Variants in HAS2 observed in about 807,000 individuals in gnomAD.
The protein encoded by HAS2 is hyaluronan synthase 2, also known as HA synthase 2.
In HAS2, 16 loss-of-function variants were observed where a neutral mutation model predicts 51.6. The ratio of observed to expected loss-of-function variants is 0.31; its 90% confidence interval spans 0.21 to 0.47. HAS2 has a LOEUF of 0.47. Ranked by LOEUF, HAS2 falls within the 20% of genes least tolerant of loss-of-function variation. HAS2 has a pLI of 1.00. For synonymous variants in HAS2, 228 were observed against 235.5 expected, an observed-to-expected ratio of 0.97 and a Z score of 0.29; for missense variants, 361 against 662.6, an observed-to-expected ratio of 0.54 and a Z score of 5.00.
chr8:121,636,799 C>A (rs2130453585), intron 1 of HAS2, among the ~76,000 whole-genome samples: 1 of 152,292 alleles, frequency 6.6e-6, no homozygotes, highest in Middle Eastern at 3.4e-3. Flanking sequence ...CCAAATGTAG[C>A]ACAAACGCCA....
At chr8:121,636,920 A>G (rs1813016883) in intron 1 of HAS2, among the ~76,000 whole-genome samples, 1 of 152,200 alleles carries the variant, frequency 6.6e-6, no homozygotes, top group Non-Finnish European at 1.5e-5. Context: ...CATGAATTCA[A>G]TTCAAGGGCA....
intron 1 of HAS2, among the ~76,000 whole-genome samples, chr8:121,634,473 CAT>C (rs375853246): frequency 1.3e-5 from 2 of 151,302 alleles, no homozygotes; most frequent in Admixed American, 1.3e-4. Flanking sequence ...TTCTAAGTAG[CAT>C]ATATATATAT....
rs1812892320 is a variant in HAS2 at position 121,628,984 on chromosome 8, G to A, written c.357C>T (p.Val119=). 3.1e-6 allele frequency: 5 copies of A among 1,613,938 alleles called. No homozygotes were observed. In the Admixed American group the frequency reaches 5.0e-5, roughly 16 times the overall value. Residue 119 remains valine, a synonymous_variant, in exon 2 of 4, where the codon GTC becomes GTT. Coordinates refer to ENST00000303924, the MANE Select transcript of HAS2 (RefSeq NM_005328.3). ...GGTCATCTTCTGAGTTCCCATCTAT[G>A]ACCATGACAACTTTAATCCCAGGGT... is the stretch of plus-strand genomic sequence containing the variant. ...LTYPGIKVVM[V]IDGNSEDDLY... is the part of the protein sequence containing the mutation.
intron 1 of HAS2, among the ~76,000 whole-genome samples, chr8:121,637,446 A>T (rs974672488): frequency 4.4e-5 from 6 of 137,402 alleles, no homozygotes; most frequent in African/African-American, 1.7e-4. Flanking sequence ...GCTGGAGTGG[A>T]GTGGTGAGAT....
intron 1 of HAS2, 102 bp from the exon 2 acceptor site, chr8:121,629,442 GTT>G: frequency 1.1e-6 from 1 of 924,944 alleles, no homozygotes; most frequent in Non-Finnish European, 1.6e-6. Context: ...GCATTCAGGA[GTT>G]TTAACACTCA....
At chr8:121,630,191 T>C (rs544415899) in intron 1 of HAS2, among the ~76,000 whole-genome samples, 1 of 152,200 alleles carries the variant, frequency 6.6e-6, no homozygotes, top group South Asian at 2.1e-4. Flanking sequence ...GTAAACACAA[T>C]AAATGTTTGT....
At chr8:121,626,002 A>G (rs980232494) in intron 2 of HAS2, among the ~76,000 whole-genome samples, 1 of 152,086 alleles carries the variant, frequency 6.6e-6, no homozygotes, top group African/African-American at 2.4e-5. Flanking sequence ...GGGCCGAGAG[A>G]GCAGTCGGTA....
At position 121,634,460 on chromosome 8, in the gene HAS2, A is replaced by C. The variant is rs544544556; in HGVS notation, c.1-5120T>G. 4.0e-5 allele frequency among the ~76,000 whole-genome samples: 6 copies of C among 151,160 alleles called. No homozygotes were observed. In the South Asian group the frequency reaches 1.3e-3, roughly 32 times the overall value. On this transcript the variant is annotated intron_variant, in intron 1 of 3. Transcript: ENST00000303924. ...ATGCTCTCTCCCCTTAACCTGCTTGATTTTCTAAGTAGCATATATATATAT... is the reference window on the plus strand; with the variant it reads ...ATGCTCTCTCCCCTTAACCTGCTTGCTTTTCTAAGTAGCATATATATATAT...
chr8:121,616,081 G>A (rs1232125721), intron 3 of HAS2, among the ~76,000 whole-genome samples: 1 of 152,036 alleles, frequency 6.6e-6, no homozygotes, highest in Non-Finnish European at 1.5e-5. Context: ...TTTTCCATGT[G>A]CTTTCTTACC....
At chr8:121,626,721 A>G (rs922274641) in intron 2 of HAS2, among the ~76,000 whole-genome samples, 3 of 152,182 alleles carry the variant, frequency 2.0e-5, no homozygotes, top group Non-Finnish European at 4.4e-5. Context: ...CCATTTTTAT[A>G]GGTCACACAT....
chr8:121,615,047 A>G lies in HAS2; in HGVS notation c.730-9T>C. On this transcript the variant is annotated splice_polypyrimidine_tract_variant and intron_variant, in intron 3 of 3. Coordinates refer to ENST00000303924, the MANE Select transcript of HAS2 (RefSeq NM_005328.3). ...TCGTACTTGTTTAAAATCTGCAAGA[A>G]GAAAAACATAAGTAATAGGTAAGCT... The G allele has an allele frequency of 6.3e-7, 1 of 1,585,264 alleles. No individual in the cohort carries two copies. Among genetic ancestry groups the G allele is most frequent in the Non-Finnish European group, 8.6e-7 (1 of 1,165,372 alleles).
chr8:121,624,895 A>G (rs2130440970), intron 2 of HAS2, among the ~76,000 whole-genome samples: 1 of 152,180 alleles, frequency 6.6e-6, no homozygotes. Flanking sequence ...GGAGGTCGAG[A>G]CCATCCTGGC....
chr8:121,622,941 A>T (rs1812792421), intron 2 of HAS2, among the ~76,000 whole-genome samples: 1 of 151,888 alleles, frequency 6.6e-6, no homozygotes, highest in Admixed American at 6.6e-5. Context: ...AATGAGTAAA[A>T]CCATTCCAGA....
intron 2 of HAS2, among the ~76,000 whole-genome samples, chr8:121,620,627 A>C (rs982445388): frequency 5.9e-5 from 9 of 152,234 alleles, no homozygotes; most frequent in African/African-American, 2.2e-4. Flanking sequence ...TCAAGAAGAC[A>C]TTATTTAGAA....
In HAS2 at chr8:121,641,333, G is replaced by A. The variant is rs1208211486; in HGVS notation, c.-481C>T. The A allele has an allele frequency of 6.6e-6, 1 of 150,882 alleles. No homozygotes were observed. The highest frequency in any genetic ancestry group is 1.5e-5 in the Non-Finnish European group (1 of 67,908). 9.3% of individuals were successfully genotyped at this position (150,882 alleles called of 1,614,324 possible). Reference sequence around the variant, plus strand: ...TTGGCTGGGGCTGTTTCAAGTCTCTGGTTCAATGGGCTGCTCGAAGCCAGG... The same window carrying A: ...TTGGCTGGGGCTGTTTCAAGTCTCTAGTTCAATGGGCTGCTCGAAGCCAGG... On this transcript the variant is annotated 5_prime_UTR_variant, in exon 1 of 4. Transcript: ENST00000303924.
At chr8:121,618,517 A>G (rs574634906) in intron 2 of HAS2, among the ~76,000 whole-genome samples, 1 of 152,284 alleles carries the variant, frequency 6.6e-6, no homozygotes, top group Non-Finnish European at 1.5e-5. Flanking sequence ...GAAAAGGCTG[A>G]TGGGTTATAC....
At position 121,614,476 on chromosome 8, in the gene HAS2, A is replaced by G. The variant is rs760759781; in HGVS notation, c.1292T>C (p.Ile431Thr). ...SSFASCLRGN[I>T]VMVFMSLYSV... ...GTAGAGAGACATGAAGACCATGACG[A>G]TATTTCCTCTAAGGCAGCTGGCAAA... is the stretch of plus-strand genomic sequence containing the variant. Residue 431 changes from isoleucine (I) to threonine (T), a missense_variant, in exon 4 of 4, where the codon ATC becomes ACC. Coordinates refer to ENST00000303924, the MANE Select transcript of HAS2 (RefSeq NM_005328.3). The surrounding 1 kb of genome is among the most constrained non-coding windows in gnomAD (Gnocchi z 7.2). 1.2e-6 allele frequency: 2 copies of G among 1,613,860 alleles called. No individual in the cohort carries two copies. Among genetic ancestry groups the G allele is most frequent in the Admixed American group, 1.7e-5 (1 of 59,992 alleles).
chr8:121,632,809 G>A (rs576273204), intron 1 of HAS2, among the ~76,000 whole-genome samples: 1 of 152,108 alleles, frequency 6.6e-6, no homozygotes, highest in African/African-American at 2.4e-5. Flanking sequence ...TTAGGTTTCA[G>A]GCAGTGGGGC....
intron 2 of HAS2, among the ~76,000 whole-genome samples, chr8:121,626,416 T>A (rs931397684): frequency 7.2e-5 from 11 of 152,164 alleles, no homozygotes; most frequent in African/African-American, 2.7e-4. Context: ...CCAATCCTTT[T>A]GGCCATCTCT....
Sources: gnomAD v4.1 joint callset for allele counts (sites outside exome capture counted in the v4.1 genomes callset) on GRCh38, gnomAD v4.1.1 for gene constraint, Gnocchi (gnomAD v3.1) non-coding constraint, MANE v1.5 for transcripts, NCBI Gene and HGNC (gene_info 2026-07-23, HGNC 2026-07-21) for gene names.